The following ACVR2A variants were observed in gnomAD, a reference collection of about 807,000 sequenced individuals.
The protein encoded by ACVR2A is activin A receptor type 2A.
In ACVR2A, 7 loss-of-function variants were observed where a neutral mutation model predicts 61.4. The observed-to-expected ratio is 0.11, with a 90% CI of 0.06 to 0.21. The LOEUF (loss-of-function observed/expected upper bound fraction) is 0.21. ACVR2A is among the 10% of genes least tolerant of loss of function. The probability of loss-of-function intolerance (pLI) is 1.00; values close to 1 mark genes in which losing one functional copy is unlikely to be tolerated. For synonymous variants in ACVR2A, 193 were observed against 208.3 expected, an observed-to-expected ratio of 0.93 and a Z score of 0.63; for missense variants, 322 against 621.7, an observed-to-expected ratio of 0.52 and a Z score of 5.13.
intron 4 of ACVR2A, among the ~76,000 whole-genome samples, chr2:147,901,968 A>C (rs938844243): frequency 6.6e-6 from 1 of 152,028 alleles, no homozygotes; most frequent in Non-Finnish European, 1.5e-5. Context: ...CTATTTCAAA[A>C]TAATGATAAT....
intron 1 of ACVR2A, among the ~76,000 whole-genome samples, chr2:147,867,994 T>C (rs75664590): frequency 0.011 from 1,730 of 152,318 alleles, 39 homozygotes; most frequent in East Asian, 0.051. Flanking sequence ...CTTTCTGTGT[T>C]CCCATAGCAC....
Position 147,927,898 on chromosome 2 carries a change from A to AAAAC in ACVR2A, c.*626_*629dup, listed in dbSNP as rs1687542359. ...CCACGGTTGCTAAATTATAAAATTGAAAACACTAACAAAATTTGAATAATA... is the reference window on the plus strand; with the variant it reads ...CCACGGTTGCTAAATTATAAAATTGAAAACAAACACTAACAAAATTTGAATAATA... On this transcript the variant is annotated 3_prime_UTR_variant, in exon 11 of 11. Transcript: ENST00000241416. 1 of 152,364 alleles carries AAAAC rather than the reference A, an allele frequency of 6.6e-6. No individual in the cohort carries two copies. Among genetic ancestry groups the AAAAC allele is most frequent in the Admixed American group, 6.6e-5 (1 of 15,190 alleles). 9.4% of individuals were successfully genotyped at this position (152,364 alleles called of 1,614,324 possible).
chr2:147,852,118 T>C (rs1361586937), intron 1 of ACVR2A, among the ~76,000 whole-genome samples: 3 of 152,080 alleles, frequency 2.0e-5, no homozygotes, highest in Non-Finnish European at 2.9e-5. Flanking sequence ...ATTTGAATTA[T>C]ATAGATTTAG....
At chr2:147,846,555 T>C (rs1412625726) in intron 1 of ACVR2A, among the ~76,000 whole-genome samples, 1 of 152,134 alleles carries the variant, frequency 6.6e-6, no homozygotes, top group Non-Finnish European at 1.5e-5. Flanking sequence ...GTGGGCTGAA[T>C]GTGTTGTGAA....
rs1049640912 is a variant in ACVR2A at position 147,917,194 on chromosome 2, A to G, written c.673-89A>G. ...AGACTTTTTTGTTTTGTTTTGTTTT[A>G]CTTTGGAACTTATTTGAGTAATCTC... On this transcript the variant is annotated intron_variant, in intron 5 of 10. Coordinates refer to ENST00000241416, the MANE Select transcript of ACVR2A (RefSeq NM_001616.5). The G allele has an allele frequency of 3.0e-6, 4 of 1,333,492 alleles. No homozygotes were observed. The African/African-American group carries it at 6.1e-5, about 20-fold the overall frequency. 82.6% of individuals were successfully genotyped at this position (1,333,492 alleles called of 1,614,324 possible).
chr2:147,876,200 C>G (rs150689957), intron 1 of ACVR2A, among the ~76,000 whole-genome samples: 43 of 152,170 alleles, frequency 2.8e-4, no homozygotes, highest in African/African-American at 1.0e-3. Flanking sequence ...GGTCCTCTTT[C>G]CTCTTCCTAA....
intron 10 of ACVR2A, 105 bp downstream of exon 10, chr2:147,926,266 A>C: frequency 7.1e-7 from 1 of 1,400,758 alleles, no homozygotes; most frequent in Non-Finnish European, 9.7e-7. Flanking sequence ...ATTTTCTGGA[A>C]GGTGATCTTC....
At chr2:147,845,255 CGGCCGCTGCTGGG>C (rs759055138) in intron 1 of ACVR2A, 48 bp downstream of exon 1, 44 of 1,571,626 alleles carry the variant, frequency 2.8e-5, no homozygotes, top group Non-Finnish European at 3.6e-5. Flanking sequence ...GCGGCCGCGG[CGGCCGCTGCTGGG>C]GGCCGCGGCT....
intron 4 of ACVR2A, among the ~76,000 whole-genome samples, chr2:147,900,156 T>C (rs1280244376): frequency 6.6e-6 from 1 of 152,082 alleles, no homozygotes; most frequent in East Asian, 1.9e-4. Flanking sequence ...AGAGTTTTAC[T>C]CTCATGCTAA....
intron 1 of ACVR2A, among the ~76,000 whole-genome samples, chr2:147,874,830 A>G (rs143409942): frequency 6.6e-6 from 1 of 151,956 alleles, no homozygotes; most frequent in East Asian, 1.9e-4. Context: ...GAAATAAGAT[A>G]TTTTTAAGTT....
intron 1 of ACVR2A, among the ~76,000 whole-genome samples, chr2:147,888,912 A>G (rs1037718263): frequency 6.6e-6 from 1 of 151,988 alleles, no homozygotes; most frequent in African/African-American, 2.4e-5. Context: ...TTGTTGTTTC[A>G]CTGTTAAGTA....
chr2:147,868,303 A>G (rs190136766), intron 1 of ACVR2A, among the ~76,000 whole-genome samples: 39 of 152,330 alleles, frequency 2.6e-4, no homozygotes, highest in African/African-American at 9.1e-4. Flanking sequence ...AGTCAAGATG[A>G]TAATATTTAT....
intron 8 of ACVR2A, among the ~76,000 whole-genome samples, chr2:147,922,536 A>G (rs1462816751): frequency 2.6e-5 from 4 of 152,166 alleles, no homozygotes; most frequent in Non-Finnish European, 5.9e-5. Context: ...AAACAAATAC[A>G]TAGATTTTGT....
At chr2:147,893,817 A>C (rs1490074932) in intron 1 of ACVR2A, among the ~76,000 whole-genome samples, 11 of 152,146 alleles carry the variant, frequency 7.2e-5, no homozygotes, top group Admixed American at 7.2e-4. Context: ...ATTTTCTTCC[A>C]GTCTGTGACT....
chr2:147,866,845 G>A (rs1290363298), intron 1 of ACVR2A, among the ~76,000 whole-genome samples: 1 of 152,188 alleles, frequency 6.6e-6, no homozygotes, highest in Non-Finnish European at 1.5e-5. Context: ...GATCTAAGCT[G>A]GGCAGAGAGA....
chr2:147,904,845 G>C lies in ACVR2A; in HGVS notation c.528+4947G>C, dbSNP rs945203498. Among the ~76,000 whole-genome samples the C allele has an allele frequency of 2.6e-5, 4 of 152,034 alleles. No homozygotes were observed. The South Asian group carries it at 8.3e-4, about 31-fold the overall frequency. ...GAAGAGTATACTGCTTCCTTACTGG[G>C]GGAGGGTGCAGGAGAAATTTACTAA... On this transcript the variant is annotated intron_variant, in intron 4 of 10. Coordinates refer to ENST00000241416, the MANE Select transcript of ACVR2A (RefSeq NM_001616.5).
At chr2:147,863,470 CCT>C (rs1013338038) in intron 1 of ACVR2A, among the ~76,000 whole-genome samples, 1 of 152,058 alleles carries the variant, frequency 6.6e-6, no homozygotes, top group African/African-American at 2.4e-5. Context: ...CTAATAATAC[CCT>C]GTTATTGACT....
intron 4 of ACVR2A, among the ~76,000 whole-genome samples, chr2:147,909,526 TCACCGTTACC>T (rs1687066728): frequency 6.6e-6 from 1 of 152,224 alleles, no homozygotes; most frequent in African/African-American, 2.4e-5. Context: ...GATTCGATTT[TCACCGTTACC>T]TACAGTTATA....
intron 1 of ACVR2A, among the ~76,000 whole-genome samples, chr2:147,857,409 C>G (rs1685608588): frequency 6.6e-6 from 1 of 151,754 alleles, no homozygotes; most frequent in Non-Finnish European, 1.5e-5. Context: ...AGTAGAGGAG[C>G]CTACTCTGTT....
Sources: allele counts gnomAD v4.1 joint callset (sites outside exome capture counted in the v4.1 genomes callset), GRCh38; gene constraint gnomAD v4.1.1; transcripts MANE v1.5; gene names NCBI Gene and HGNC (gene_info 2026-07-23, HGNC 2026-07-21).